The following ADGRL3 variants were observed in gnomAD, a reference collection of about 807,000 sequenced individuals.
ADGRL3 encodes calcium-independent alpha-latrotoxin receptor 3.
A neutral mutation model predicts 153.5 loss-of-function variants in ADGRL3; 62 were observed. The ratio of observed to expected loss-of-function variants is 0.40; its 90% CI spans 0.33 to 0.50. ADGRL3 has a LOEUF of 0.50. Ranked by LOEUF, ADGRL3 falls within the 20% of genes least tolerant of loss-of-function variation. ADGRL3 has a pLI of 0.47. For synonymous variants in ADGRL3, 710 were observed against 672.5 expected, an observed-to-expected ratio of 1.06 and a Z score of -0.86; for missense variants, 1,641 against 1,859.4, an observed-to-expected ratio of 0.88 and a Z score of 2.16.
intron 2 of ADGRL3, among the ~76,000 whole-genome samples, chr4:61,385,219 A>C (rs548365555): frequency 6.6e-6 from 1 of 152,258 alleles, no homozygotes; most frequent in African/African-American, 2.4e-5. Context: ...TTTTTCATAA[A>C]GAAAGTAAAT....
At chr4:61,682,881 A>G (rs2095367064) in intron 6 of ADGRL3, among the ~76,000 whole-genome samples, 1 of 152,126 alleles carries the variant, frequency 6.6e-6, no homozygotes, top group African/African-American at 2.4e-5. Flanking sequence ...AGGCACTATA[A>G]TAAAATATTA....
intron 9 of ADGRL3, among the ~76,000 whole-genome samples, chr4:61,890,219 A>G (rs978050386): frequency 6.6e-6 from 1 of 152,220 alleles, no homozygotes; most frequent in Non-Finnish European, 1.5e-5. Flanking sequence ...GTCCCTGTCA[A>G]AAAATTAAAA....
At chr4:61,836,798 T>TA (rs1174465382) in intron 9 of ADGRL3, among the ~76,000 whole-genome samples, 2 of 152,142 alleles carry the variant, frequency 1.3e-5, no homozygotes, top group African/African-American at 4.8e-5. Context: ...TTCCGTCATG[T>TA]AAAAACTTTG....
chr4:61,686,717 A>G (rs2095451259), intron 6 of ADGRL3, among the ~76,000 whole-genome samples: 1 of 152,100 alleles, frequency 6.6e-6, no homozygotes, highest in Non-Finnish European at 1.5e-5. Flanking sequence ...CGTCCTGTGC[A>G]ATAGAACAAC....
chr4:61,922,905 A>G (rs2098776617), intron 13 of ADGRL3, among the ~76,000 whole-genome samples: 2 of 152,220 alleles, frequency 1.3e-5, no homozygotes, highest in African/African-American at 4.8e-5. Context: ...AAAGAATTAA[A>G]ACACAGTCAT....
At chr4:61,502,372 G>A (rs1299272279) in intron 3 of ADGRL3, among the ~76,000 whole-genome samples, 1 of 152,080 alleles carries the variant, frequency 6.6e-6, no homozygotes, top group African/African-American at 2.4e-5. Context: ...GTACAAAGCA[G>A]GATCACTGGC....
intron 5 of ADGRL3, among the ~76,000 whole-genome samples, chr4:61,669,491 A>G (rs2094918960): frequency 1.3e-5 from 2 of 152,184 alleles, no homozygotes; most frequent in African/African-American, 4.8e-5. Flanking sequence ...CTAAAAACCC[A>G]TAGTTACTGT....
chr4:61,837,637 C>A (rs908795500), intron 9 of ADGRL3, among the ~76,000 whole-genome samples: 2 of 152,042 alleles, frequency 1.3e-5, no homozygotes, highest in Admixed American at 1.3e-4. Flanking sequence ...GAATTTATGG[C>A]AGCCTCATAT....
chr4:61,389,585 A>G (rs932542282), intron 2 of ADGRL3, among the ~76,000 whole-genome samples: 3 of 150,498 alleles, frequency 2.0e-5, no homozygotes, highest in Non-Finnish European at 4.4e-5. Context: ...TCGCTTTTTT[A>G]CCCCTTTTTT....
intron 2 of ADGRL3, among the ~76,000 whole-genome samples, chr4:61,473,348 A>G: frequency 6.6e-6 from 1 of 151,988 alleles, no homozygotes; most frequent in Non-Finnish European, 1.5e-5. Context: ...TACCCTGGGT[A>G]CTGTACACAG....
At chr4:61,241,752 C>A (rs1755062718) in intron 1 of ADGRL3, among the ~76,000 whole-genome samples, 1 of 151,888 alleles carries the variant, frequency 6.6e-6, no homozygotes, top group Non-Finnish European at 1.5e-5. Context: ...ATTCAGACAC[C>A]ACTGACTCTT....
intron 4 of ADGRL3, among the ~76,000 whole-genome samples, chr4:61,564,104 T>C (rs2098806773): frequency 1.3e-5 from 2 of 152,180 alleles, no homozygotes; most frequent in South Asian, 4.1e-4. Flanking sequence ...TCAGCCTTTA[T>C]AGAATTGAAA....
At position 61,278,109 on chromosome 4, in the gene ADGRL3, T is replaced by G. The variant is rs533667497; in HGVS notation, c.-240+76344T>G. ...TTCCCCTGGATCTTGATACTTAAAA[T>G]TGTTCAACTGAGACACAGCTGATCC... On this transcript the variant is annotated intron_variant, in intron 1 of 26. Coordinates refer to ENST00000683033, the MANE Select transcript of ADGRL3 (RefSeq NM_001387552.1). 3.3e-5 allele frequency among the ~76,000 whole-genome samples: 5 copies of G among 152,282 alleles called. No individual in the cohort carries two copies. The South Asian group carries it at 1.0e-3, about 32-fold the overall frequency.
chr4:61,747,659 C>A (rs558311364), intron 8 of ADGRL3, among the ~76,000 whole-genome samples: 3 of 144,122 alleles, frequency 2.1e-5, no homozygotes, highest in African/African-American at 8.1e-5. Flanking sequence ...ATTCAACAAC[C>A]CTTCATGCTA....
chr4:61,214,289 T>C (rs1448539702), intron 1 of ADGRL3, among the ~76,000 whole-genome samples: 4 of 152,180 alleles, frequency 2.6e-5, no homozygotes, highest in East Asian at 1.9e-4. Flanking sequence ...CCATGAAGAA[T>C]TGAGTCCACC....
At chr4:62,004,234 T>G (rs1287089637) in intron 21 of ADGRL3, among the ~76,000 whole-genome samples, 4 of 152,126 alleles carry the variant, frequency 2.6e-5, no homozygotes, top group Admixed American at 1.3e-4. Context: ...ATGTATATAC[T>G]TATGAAAAAT....
At chr4:61,370,584 G>A (rs2096501427) in intron 1 of ADGRL3, among the ~76,000 whole-genome samples, 1 of 152,044 alleles carries the variant, frequency 6.6e-6, no homozygotes, top group African/African-American at 2.4e-5. Context: ...ATTGCACTGT[G>A]GTCTGAGAGA....
intron 2 of ADGRL3, among the ~76,000 whole-genome samples, chr4:61,495,997 A>C (rs545554124): frequency 1.7e-4 from 26 of 152,346 alleles, no homozygotes; most frequent in African/African-American, 6.0e-4. Context: ...TTCGGGCATA[A>C]TAATCTGTCT....
rs549947997 is a variant in ADGRL3, at chr4:61,604,462, C to T, written c.473+17022C>T. 3.2e-4 allele frequency among the ~76,000 whole-genome samples: 48 copies of T among 152,212 alleles called. 1 individual carries two copies. Among genetic ancestry groups the T allele is most frequent in the Non-Finnish European group, 3.8e-4 (26 of 68,012 alleles). On this transcript the variant is annotated intron_variant, in intron 5 of 26. Transcript: ENST00000683033. ...ATATTTTTCTCTTGGAATGAAACAACGAATGAATCGCATGTTAAAATTGTT... is the reference window on the plus strand; with the variant it reads ...ATATTTTTCTCTTGGAATGAAACAATGAATGAATCGCATGTTAAAATTGTT...
Sources: allele counts gnomAD v4.1 joint callset (sites outside exome capture counted in the v4.1 genomes callset), GRCh38; gene constraint gnomAD v4.1.1; transcripts MANE v1.5; gene names NCBI Gene and HGNC (gene_info 2026-07-23, HGNC 2026-07-21).